The following MAP4 variants were observed in gnomAD, a reference collection of about 807,000 sequenced individuals.
MAP4 encodes microtubule associated protein 4.
A neutral mutation model predicts 170.2 loss-of-function variants in MAP4; 76 were observed. The observed-to-expected ratio is 0.45, with a 90% CI of 0.37 to 0.54. MAP4 has a LOEUF of 0.54. MAP4 is among the 20% of genes least tolerant of loss of function. The pLI, the probability that MAP4 is intolerant of heterozygous loss-of-function variation, is 0.00. For missense variants in MAP4, 2,506 were observed against 2,748.0 expected (o/e 0.91, Z 1.97); for synonymous variants, 909 against 994.5 (o/e 0.91, Z 1.62).
At chr3:48,001,749 C>G (rs2100099268) in intron 1 of MAP4, among the ~76,000 whole-genome samples, 1 of 152,228 alleles carries the variant, frequency 6.6e-6, no homozygotes, top group Admixed American at 6.5e-5. Flanking sequence ...GATCCACCCA[C>G]CTCGGCCTCC....
intron 3 of MAP4, among the ~76,000 whole-genome samples, chr3:47,969,598 T>C (rs949598023): frequency 1.3e-5 from 2 of 152,160 alleles, no homozygotes; most frequent in East Asian, 3.9e-4. Flanking sequence ...CCTCACACTC[T>C]GTTAAGTTCA....
intron 10 of MAP4, among the ~76,000 whole-genome samples, chr3:47,900,207 T>G (rs2153276903): frequency 6.6e-6 from 1 of 152,332 alleles, no homozygotes; most frequent in Non-Finnish European, 1.5e-5. Context: ...CAAGTTATAA[T>G]CTAGTTTCTT....
At chr3:48,063,849 G>A (rs2100137112) in intron 1 of MAP4, among the ~76,000 whole-genome samples, 1 of 152,348 alleles carries the variant, frequency 6.6e-6, no homozygotes, top group African/African-American at 2.4e-5. Context: ...AGGGGAAGAA[G>A]TAGGGATAAA....
At chr3:48,056,086 G>A (rs1274886620) in intron 1 of MAP4, among the ~76,000 whole-genome samples, 1,361 of 114,140 alleles carry the variant, frequency 0.012, no homozygotes, top group South Asian at 0.017. Flanking sequence ...GTCTCCGCCC[G>A]GCAGCCACCC....
chr3:47,871,147 G>C (rs1184141760), intron 14 of MAP4, 42 bp from the exon 15 acceptor site: 1 of 1,611,136 alleles, frequency 6.2e-7, no homozygotes, highest in Non-Finnish European at 8.5e-7. Context: ...TTCAGGGAGA[G>C]AGAGAAAAAG....
chr3:47,974,934 C>G (rs1052230242), intron 3 of MAP4: 9 of 985,760 alleles, frequency 9.1e-6, no homozygotes, highest in Middle Eastern at 5.2e-4. Context: ...TTAACCTTCC[C>G]TAAAAGCAAG....
chr3:47,947,052 A>G (rs2100060485), intron 3 of MAP4, among the ~76,000 whole-genome samples: 2 of 152,212 alleles, frequency 1.3e-5, no homozygotes. Flanking sequence ...CTGAGATTCT[A>G]GCTCTAAACT....
At chr3:48,058,044 A>G (rs1399594696) in intron 1 of MAP4, among the ~76,000 whole-genome samples, 4 of 152,242 alleles carry the variant, frequency 2.6e-5, no homozygotes, top group Non-Finnish European at 5.9e-5. Flanking sequence ...ATAAATATTT[A>G]TTGAATTAGA....
At position 47,852,373 on chromosome 3, in the gene MAP4, A is replaced by G. The variant is rs117041756; in HGVS notation, c.*561T>C. ...GCAAGAAGGGCCCGACACCACCTGC[A>G]TGGGGAGGGGGGGGCGCCCATTTGT... On this transcript the variant is annotated 3_prime_UTR_variant, in exon 21 of 21. Transcript: ENST00000683076. 125 of 180,938 alleles carry G rather than the reference A, an allele frequency of 6.9e-4. 3 individuals are homozygous for G. The East Asian group carries it at 0.018, about 26-fold the overall frequency. The allele number at this position is 180,938 out of a possible 1,614,324, so 11.2% of individuals were successfully genotyped here. A position where few individuals can be genotyped will look rare whatever the true frequency, so the allele number is the denominator to read the frequency against.
In MAP4 at chr3:47,932,997, G is replaced by A. The variant is rs533262715; in HGVS notation, c.293-4647C>T. ...AGCTCACTGCAACCTTAAACTCCTG[G>A]GCTCAAGAGATCTTCCTGCCTCAGC... On this transcript the variant is annotated intron_variant, in intron 3 of 20. Transcript: ENST00000683076. Among the ~76,000 whole-genome samples the A allele has an allele frequency of 2.2e-4, 33 of 152,196 alleles. No individual in the cohort carries two copies. In the South Asian group the frequency reaches 6.0e-3, roughly 28 times the overall value.
At chr3:48,049,661 G>A (rs1005189801) in intron 1 of MAP4, among the ~76,000 whole-genome samples, 1 of 149,454 alleles carries the variant, frequency 6.7e-6, no homozygotes, top group Non-Finnish European at 1.5e-5. Flanking sequence ...GGCCAGGTGT[G>A]GTGGCTCATG....
chr3:47,980,242 A>G (rs1295353315), intron 2 of MAP4, among the ~76,000 whole-genome samples: 1 of 152,054 alleles, frequency 6.6e-6, no homozygotes, highest in African/African-American at 2.4e-5. Context: ...ATATAGATCA[A>G]TTTGGGGATT....
chr3:48,030,202 A>G (rs1302947822), intron 1 of MAP4, among the ~76,000 whole-genome samples: 1 of 151,204 alleles, frequency 6.6e-6, no homozygotes. Flanking sequence ...CAGTCTTGGC[A>G]ACACAGTGAG....
Position 47,869,288 on chromosome 3 carries a change from G to A in MAP4, c.6334C>T (p.Arg2112Ter). The change falls in exon 16 of 21, where the codon CGA becomes TGA. Residue 2112 changes from arginine to a stop codon, truncating the protein, a stop_gained. Coordinates refer to ENST00000683076, the MANE Select transcript of MAP4 (RefSeq NM_001385682.1). LOFTEE classifies it high-confidence loss of function. ...GTGACTGCATTAGATTCAGGCTTTC[G>A]GGTTGTAGCAGCTGCCTCTGTTTTT... ...EKKTEAAATTRKPESNAVTKT... is the reference protein window; with the variant it reads ...EKKTEAAATT The A allele has an allele frequency of 1.9e-6, 3 of 1,614,118 alleles. No individual in the cohort carries two copies. Among genetic ancestry groups the A allele is most frequent in the Non-Finnish European group, 2.5e-6 (3 of 1,179,992 alleles).
At position 47,915,867 on chromosome 3, in the gene MAP4, T is replaced by G. The variant is rs370100068; in HGVS notation, c.1876+84A>C. The G allele has an allele frequency of 1.7e-3, 2,438 of 1,459,848 alleles. 61 individuals are homozygous for G. The South Asian group carries it at 0.03, about 18-fold the overall frequency. 90.4% of individuals were successfully genotyped at this position (1,459,848 alleles called of 1,614,324 possible). On this transcript the variant is annotated intron_variant, in intron 7 of 20. Coordinates refer to ENST00000683076, the MANE Select transcript of MAP4 (RefSeq NM_001385682.1). ...AAAGTACAGTGTGACTGTCTGTACT[T>G]TACCTGGCATGATGTTTGTCCTTAG...
chr3:48,039,533 T>A (rs924858215), intron 1 of MAP4: 2 of 152,488 alleles, frequency 1.3e-5, no homozygotes, highest in Non-Finnish European at 2.9e-5. Flanking sequence ...AATAAACACA[T>A]ATGGATGCCA....
At chr3:48,082,008 T>C (rs1292687136) in intron 1 of MAP4, among the ~76,000 whole-genome samples, 3 of 152,144 alleles carry the variant, frequency 2.0e-5, no homozygotes, top group Non-Finnish European at 4.4e-5. Context: ...TAGGTGCCAA[T>C]GTTAGAATGG....
chr3:47,870,750 G>T, intron 15 of MAP4, 63 bp downstream of exon 15: 1 of 1,464,810 alleles, frequency 6.8e-7, no homozygotes, highest in Non-Finnish European at 9.2e-7. Context: ...GGGAACAGTG[G>T]GTGGAAATGG....
chr3:47,915,610 A>G (rs1017960073), intron 7 of MAP4, among the ~76,000 whole-genome samples: 1 of 152,208 alleles, frequency 6.6e-6, no homozygotes, highest in African/African-American at 2.4e-5. Flanking sequence ...GAGCAGGAAC[A>G]GTTTACTTAT....
Sources: gnomAD v4.1 joint callset for allele counts (sites outside exome capture counted in the v4.1 genomes callset) on GRCh38, gnomAD v4.1.1 for gene constraint, MANE v1.5 for transcripts, NCBI Gene and HGNC (gene_info 2026-07-23, HGNC 2026-07-21) for gene names.